CPXM1: variants seen among roughly 807,000 people sequenced by gnomAD.
The protein encoded by CPXM1 is probable carboxypeptidase X1.
Under a neutral mutation model 80.4 loss-of-function variants are expected in CPXM1, and 72 were observed. The ratio of observed to expected loss-of-function variants is 0.90; its 90% CI spans 0.74 to 1.09. CPXM1 has a LOEUF of 1.09. Among genes scored for constraint, CPXM1 ranks in the 50% least tolerant of loss-of-function variants. The probability of loss-of-function intolerance (pLI) is 0.00; values close to 1 mark genes in which losing one functional copy is unlikely to be tolerated. For missense variants in CPXM1, 892 were observed against 999.4 expected (o/e 0.89, Z 1.45); for synonymous variants, 403 against 405.6 (o/e 0.99, Z 0.08).
rs913475798 is a variant in CPXM1 at position 2,795,208 on chromosome 20, T to C, written c.1860+69A>G. On this transcript the variant is annotated intron_variant, in intron 12 of 13. Coordinates refer to ENST00000380605, the MANE Select transcript of CPXM1 (RefSeq NM_019609.5). The surrounding 1 kb of genome is among the most constrained non-coding windows in gnomAD (Gnocchi z 5.4). ...AGCTGGACCTTAGAAGAACCCCTGG[T>C]AGGAGCTGTAGCCTAAATGGACAGC... 3 of 1,555,924 alleles carry C rather than the reference T, an allele frequency of 1.9e-6. No homozygotes were observed. The highest frequency in any genetic ancestry group is 3.5e-5 in the Admixed American group (2 of 56,986).
Position 2,798,048 on chromosome 20 carries a change from C to T in CPXM1, c.601G>A (p.Val201Ile), listed in dbSNP as rs750483716. ...CTGAACTGGACCTTGTATGATGTGA[C>T]CCAGTCATACCTGGCAGGAGAGGTG... ...GRNSVWRYDW[V>I]TSYKVQFSND... The change falls in exon 5 of 14, where the codon GTC (valine) becomes ATC (isoleucine). Residue 201 changes from valine to isoleucine, a missense_variant. Val to Ile is a conservative substitution (Grantham distance 29). This residue lies in a region of CPXM1 where 874 missense variants were observed against 958.4 expected (regional missense o/e 0.91). Coordinates refer to ENST00000380605, the MANE Select transcript of CPXM1 (RefSeq NM_019609.5). 3.1e-6 allele frequency: 5 copies of T among 1,614,156 alleles called. No homozygotes were observed. Among genetic ancestry groups the T allele is most frequent in the Non-Finnish European group, 4.2e-6 (5 of 1,179,996 alleles).
chr20:2,794,239 G>T lies in CPXM1; in HGVS notation c.2156C>A (p.Pro719His), dbSNP rs749787483. 1 of 1,613,864 alleles carries T rather than the reference G, an allele frequency of 6.2e-7. No homozygotes were observed. The highest frequency in any genetic ancestry group is 1.3e-5 in the African/African-American group (1 of 74,928). ...RELLAAGAKV[P>H]PDLRRRLERL... The stretch of plus-strand genomic sequence containing the variant: ...CTCCAGGCGCCTGCGAAGGTCCGGG[G>T]GCACCTTGGCCCCAGCTGCCAGCAG... The change falls in exon 14 of 14, where the codon CCC (proline) becomes CAC (histidine). Residue 719 changes from proline to histidine, a missense_variant. Pro to His is a moderately conservative substitution (Grantham distance 77). Around this residue, in one of 2 missense-constraint regions of CPXM1, gnomAD observed 874 missense variants for 958.4 expected, o/e 0.91. Transcript: ENST00000380605. This position sits in a 1 kb window ranked among gnomAD's most constrained non-coding sequence, Gnocchi z 5.2.
rs753299652 is a variant in CPXM1 at position 2,798,255 on chromosome 20, A to T, written c.487T>A (p.Trp163Arg). The change falls in exon 4 of 14, where the codon TGG becomes AGG. Residue 163 changes from tryptophan (W) to arginine (R), a missense_variant. Physicochemically the swap from Trp to Arg is moderately radical, Grantham distance 101. Coordinates refer to ENST00000380605, the MANE Select transcript of CPXM1 (RefSeq NM_019609.5). ...LEDGDLYDGAWCAEEQDADPW... is the reference protein window; with the variant it reads ...LEDGDLYDGARCAEEQDADPW... ...TCGGCGTCCTGCTCCTCAGCACACC[A>T]GGCTCCATCATATAGATCGCCGTCC... The T allele has an allele frequency of 5.6e-6, 9 of 1,613,990 alleles. No individual in the cohort carries two copies. Among genetic ancestry groups the T allele is most frequent in the Non-Finnish European group, 6.8e-6 (8 of 1,180,026 alleles).
chr20:2,800,579 G>A lies in CPXM1; in HGVS notation c.-7C>T. ...CGAGCAGGAGCCCCCACATGGCGGG[G>A]ATTGAGTGCCAGGGGCGCGCGGGCT... On this transcript the variant is annotated 5_prime_UTR_variant, in exon 1 of 14. Transcript: ENST00000380605. 3 of 1,335,502 alleles carry A rather than the reference G, an allele frequency of 2.2e-6. No individual in the cohort carries two copies. Among genetic ancestry groups the A allele is most frequent in the South Asian group, 1.9e-5 (1 of 52,500 alleles). 82.7% of individuals were successfully genotyped at this position (1,335,502 alleles called of 1,614,324 possible).
chr20:2,800,310 G>A, intron 1 of CPXM1, 91 bp downstream of exon 1: 1 of 1,186,660 alleles, frequency 8.4e-7, no homozygotes, highest in Non-Finnish European at 1.1e-6. Flanking sequence ...GGGTGTGCGT[G>A]TGCCCGCGTG....
At position 2,797,264 on chromosome 20, in the gene CPXM1, G is replaced by A; in HGVS notation, c.760C>T (p.Leu254=). ...PEPQVARFIR[L]LPQTWLQGGA... ...CCCTGGAGCCAGGTCTGGGGCAGCA[G>A]GCGAATGAAGCGGGCCACCTGGGGC... Residue 254 remains leucine (L), a synonymous_variant, in exon 6 of 14, where the codon CTG becomes TTG. Transcript: ENST00000380605. 1.9e-6 allele frequency: 3 copies of A among 1,570,258 alleles called. No homozygotes were observed. Among genetic ancestry groups the A allele is most frequent in the Admixed American group, 1.8e-5 (1 of 54,180 alleles).
Position 2,795,930 on chromosome 20 carries a change from G to C in CPXM1, c.1423-34C>G. 6.2e-7 allele frequency: 1 copy of C among 1,602,986 alleles called. No individual in the cohort carries two copies. Among genetic ancestry groups the C allele is most frequent in the East Asian group, 2.2e-5 (1 of 44,678 alleles). Reference sequence around the variant, plus strand: ...GGCAGGTCAGGAGGGGCAGGAGACAGAGACAAGGTCCGCCCCCCACAGACC... The same window carrying C: ...GGCAGGTCAGGAGGGGCAGGAGACACAGACAAGGTCCGCCCCCCACAGACC... On this transcript the variant is annotated intron_variant, in intron 10 of 13. Transcript: ENST00000380605. The surrounding 1 kb of genome is among the most constrained non-coding windows in gnomAD (Gnocchi z 5.4).
chr20:2,796,399 C>A lies in CPXM1; in HGVS notation c.1090G>T (p.Ala364Ser), dbSNP rs2146559141. ...RYVAGMHGNE[A>S]LGRELLLLLM... ...AGCAGAAGCAACTCCCGCCCCAGGG[C>A]CTCGTTCCCATGCATGCCAGCCACG... is the stretch of plus-strand genomic sequence containing the variant. The change falls in exon 9 of 14, where the codon GCC (alanine) becomes TCC (serine). Residue 364 changes from alanine to serine, a missense_variant. Around this residue, in one of 2 missense-constraint regions of CPXM1, gnomAD observed 874 missense variants for 958.4 expected, o/e 0.91. Transcript: ENST00000380605. The surrounding 1 kb of genome is among the most constrained non-coding windows in gnomAD (Gnocchi z 6.8). 1 of 1,614,116 alleles carries A rather than the reference C, an allele frequency of 6.2e-7. No homozygotes were observed.
chr20:2,794,428 C>G lies in CPXM1; in HGVS notation c.1967G>C (p.Trp656Ser). 1 of 1,613,852 alleles carries G rather than the reference C, an allele frequency of 6.2e-7. No homozygotes were observed. Among genetic ancestry groups the G allele is most frequent in the East Asian group, 2.2e-5 (1 of 44,874 alleles). The stretch of plus-strand genomic sequence containing the variant: ...CAGCAGACGCCAATAATCCCCGCCC[C>G]ACGCTGAGGAGAGTGAAGGGCACGA... ...DGINHDVTTA[W>S]GGDYWRLLTP... Residue 656 changes from tryptophan (W) to serine (S), a missense_variant, in exon 14 of 14, where the codon TGG becomes TCG. Coordinates refer to ENST00000380605, the MANE Select transcript of CPXM1 (RefSeq NM_019609.5). This position sits in a 1 kb window ranked among gnomAD's most constrained non-coding sequence, Gnocchi z 5.2.
Position 2,800,622 on chromosome 20 carries a change from G to A in CPXM1, c.-50C>T. 2 of 1,296,666 alleles carry A rather than the reference G, an allele frequency of 1.5e-6. No individual in the cohort carries two copies. The highest frequency in any genetic ancestry group is 4.3e-5 in the South Asian group (2 of 46,128). The allele number at this position is 1,296,666 out of a possible 1,614,324, so 80.3% of individuals were successfully genotyped here. A position where few individuals can be genotyped will look rare whatever the true frequency, so the allele number is the denominator to read the frequency against. On this transcript the variant is annotated 5_prime_UTR_variant, in exon 1 of 14. Coordinates refer to ENST00000380605, the MANE Select transcript of CPXM1 (RefSeq NM_019609.5). Reference sequence around the variant, plus strand: ...CGCGGGCTACGGCGGGTGGCGGGTCGGTCTCTTCCTGCCGAGTGCGCCGAG... The same window carrying A: ...CGCGGGCTACGGCGGGTGGCGGGTCAGTCTCTTCCTGCCGAGTGCGCCGAG...
chr20:2,800,274 G>A (rs759131066), intron 1 of CPXM1, 127 bp downstream of exon 1: 45 of 818,602 alleles, frequency 5.5e-5, no homozygotes, highest in African/African-American at 7.3e-5. Context: ...CGTGCGGGGT[G>A]AGTGTGCATG....
rs759036237 is a variant in CPXM1, at chr20:2,794,401, G to T, written c.1994C>A (p.Thr665Asn). The T allele has an allele frequency of 1.2e-6, 2 of 1,614,122 alleles. No homozygotes were observed. Among genetic ancestry groups the T allele is most frequent in the Non-Finnish European group, 1.7e-6 (2 of 1,180,018 alleles). ...AWGGDYWRLL[T>N]PGDYMVTASA... ...GGCAGTCACCATGTAGTCCCCTGGG[G>T]TCAGCAGACGCCAATAATCCCCGCC... Residue 665 changes from threonine to asparagine, a missense_variant, in exon 14 of 14, where the codon ACC (threonine) becomes AAC (asparagine). Physicochemically the swap from Thr to Asn is moderately conservative, Grantham distance 65 (BLOSUM62 0). Around this residue, in one of 2 missense-constraint regions of CPXM1, gnomAD observed 874 missense variants for 958.4 expected, o/e 0.91. Transcript: ENST00000380605. The surrounding 1 kb of genome is among the most constrained non-coding windows in gnomAD (Gnocchi z 5.2).
intron 1 of CPXM1, among the ~76,000 whole-genome samples, chr20:2,800,101 TGTGA>T (rs1403244419): frequency 2.0e-5 from 3 of 148,674 alleles, no homozygotes; most frequent in South Asian, 2.2e-4. Flanking sequence ...GTGTGTGCAC[TGTGA>T]GTGTGAGTGT....
Position 2,794,315 on chromosome 20 carries a change from A to C in CPXM1, c.2080T>G (p.Phe694Val). The C allele has an allele frequency of 6.2e-7, 1 of 1,614,140 alleles. No homozygotes were observed. The highest frequency in any genetic ancestry group is 8.5e-7 in the Non-Finnish European group (1 of 1,180,022). Residue 694 changes from phenylalanine to valine, a missense_variant, in exon 14 of 14, where the codon TTC (phenylalanine) becomes GTC (valine). By Grantham distance (50) the Phe-to-Val change is conservative. Transcript: ENST00000380605. This position sits in a 1 kb window ranked among gnomAD's most constrained non-coding sequence, Gnocchi z 5.2. ...NCRVTFEEGPFPCNFVLTKTP... is the reference protein window; with the variant it reads ...NCRVTFEEGPVPCNFVLTKTP... Reference sequence around the variant, plus strand: ...TTGGTGAGCACGAAATTGCAGGGGAAGGGGCCCTCTTCAAAGGTGACCCGA... The same window carrying C: ...TTGGTGAGCACGAAATTGCAGGGGACGGGGCCCTCTTCAAAGGTGACCCGA...
Position 2,796,885 on chromosome 20 carries a change from C to G in CPXM1, c.921+121G>C. On this transcript the variant is annotated intron_variant, in intron 7 of 13. Transcript: ENST00000380605. This position sits in a 1 kb window ranked among gnomAD's most constrained non-coding sequence, Gnocchi z 6.8. The stretch of plus-strand genomic sequence containing the variant: ...GGGTCCACAGGAGAGAAGGCTGAGA[C>G]ATCAGGAGGCAGCAGGGGCATACAA... 1 of 1,045,718 alleles carries G rather than the reference C, an allele frequency of 9.6e-7. No homozygotes were observed. The highest frequency in any genetic ancestry group is 1.4e-6 in the Non-Finnish European group (1 of 696,274). 64.8% of individuals were successfully genotyped at this position (1,045,718 alleles called of 1,614,324 possible).
chr20:2,799,179 T>C (rs1317121125), intron 1 of CPXM1, among the ~76,000 whole-genome samples: 2 of 152,164 alleles, frequency 1.3e-5, no homozygotes, highest in African/African-American at 4.8e-5. Context: ...AACTGTTCGG[T>C]TGCTCCAAAG....
intron 1 of CPXM1, among the ~76,000 whole-genome samples, chr20:2,799,867 G>A (rs2088549126): frequency 6.6e-6 from 1 of 152,164 alleles, no homozygotes; most frequent in African/African-American, 2.4e-5. Context: ...CTCCTACGCA[G>A]TCTTGCTCTG....
chr20:2,798,760 T>C lies in CPXM1; in HGVS notation c.306A>G (p.Ala102=). Residue 102 remains alanine, a synonymous_variant, in exon 2 of 14, where the codon GCA becomes GCG. Coordinates refer to ENST00000380605, the MANE Select transcript of CPXM1 (RefSeq NM_019609.5). ...GTTTCTCAGCGGGGTCGAGGGTCCCTGCTGGAGTGGGGGTCACAAGGGGCC... is the reference window on the plus strand; with the variant it reads ...GTTTCTCAGCGGGGTCGAGGGTCCCCGCTGGAGTGGGGGTCACAAGGGGCC... The part of the protein sequence containing the change: ...TAGPLVTPTP[A]GTLDPAEKQE... The C allele has an allele frequency of 1.9e-6, 3 of 1,613,706 alleles. No homozygotes were observed. Among genetic ancestry groups the C allele is most frequent in the Non-Finnish European group, 2.5e-6 (3 of 1,179,952 alleles).
In CPXM1 at chr20:2,795,517, G is replaced by A. The variant is rs1056051386; in HGVS notation, c.1720+82C>T. 34 of 1,586,554 alleles carry A rather than the reference G, an allele frequency of 2.1e-5. No homozygotes were observed. The highest frequency in any genetic ancestry group is 1.7e-4 in the Middle Eastern group (1 of 5,826). Reference sequence around the variant, plus strand: ...GGGACACTTCAGAGTGGGAACAGACGCCAGCACTGTACGCAACCGCAGGCT... The same window carrying A: ...GGGACACTTCAGAGTGGGAACAGACACCAGCACTGTACGCAACCGCAGGCT... On this transcript the variant is annotated intron_variant, in intron 11 of 13. Transcript: ENST00000380605. The surrounding 1 kb of genome is among the most constrained non-coding windows in gnomAD (Gnocchi z 5.4).
Sources: allele counts gnomAD v4.1 joint callset (sites outside exome capture counted in the v4.1 genomes callset), GRCh38; gene constraint gnomAD v4.1.1; regional missense constraint gnomAD v4.1.1; non-coding constraint Gnocchi (gnomAD v3.1); transcripts MANE v1.5; gene names NCBI Gene and HGNC (gene_info 2026-07-23, HGNC 2026-07-21).